The following ICA1L variants were observed in gnomAD, a reference collection of about 807,000 sequenced individuals.
The protein encoded by ICA1L is islet cell autoantigen 1 like, also known as islet cell autoantigen 1-like protein.
In ICA1L, 50 loss-of-function variants were observed where a neutral mutation model predicts 61.3. That is an observed-to-expected ratio of 0.82 (90% confidence interval 0.65 to 1.03). The LOEUF (loss-of-function observed/expected upper bound fraction) is 1.03. ICA1L is among the 50% of genes least tolerant of loss of function. The probability of loss-of-function intolerance (pLI) is 0.00; values close to 1 mark genes in which losing one functional copy is unlikely to be tolerated. For missense variants in ICA1L, 508 were observed against 556.7 expected (o/e 0.91, Z 0.88); for synonymous variants, 161 against 191.3 (o/e 0.84, Z 1.31).
At position 202,811,800 on chromosome 2, in the gene ICA1L, A is replaced by T. The variant is rs1487146770; in HGVS notation, c.867-11T>A. 1 of 1,594,954 alleles carries T rather than the reference A, an allele frequency of 6.3e-7. No individual in the cohort carries two copies. The highest frequency in any genetic ancestry group is 8.6e-7 in the Non-Finnish European group (1 of 1,164,622). ...TCAGACAAAACTAGCCTGAAGTAAA[A>T]ACAAAAAAAAATGTAGATTTTTTGT... On this transcript the variant is annotated splice_polypyrimidine_tract_variant and intron_variant, in intron 8 of 12. Coordinates refer to ENST00000358299, the MANE Select transcript of ICA1L (RefSeq NM_001288622.3).
At chr2:202,836,921 A>C (rs935021579) in intron 1 of ICA1L, among the ~76,000 whole-genome samples, 1 of 152,016 alleles carries the variant, frequency 6.6e-6, no homozygotes, top group Non-Finnish European at 1.5e-5. Context: ...GGCTCACTGC[A>C]ATCTCCACCT....
intron 8 of ICA1L, among the ~76,000 whole-genome samples, chr2:202,813,474 A>G (rs1198773118): frequency 1.3e-5 from 2 of 152,158 alleles, no homozygotes; most frequent in Non-Finnish European, 1.5e-5. Context: ...ATTTATAAAG[A>G]AAAGAGGTTC....
chr2:202,833,040 C>T (rs142355855), intron 1 of ICA1L, among the ~76,000 whole-genome samples: 63 of 151,680 alleles, frequency 4.2e-4, no homozygotes, highest in African/African-American at 1.5e-3. Context: ...ACAAAGAAAA[C>T]ACAAATAGAC....
At chr2:202,836,838 T>TATATATAGATATATAGATATAG (rs1434970172) in intron 1 of ICA1L, among the ~76,000 whole-genome samples, 1 of 150,230 alleles carries the variant, frequency 6.7e-6, no homozygotes, top group African/African-American at 2.4e-5. Flanking sequence ...TAGATACAGA[T>TATATATAGATATATAGATATAG]ATATAGATAT....
At position 202,779,530 on chromosome 2, in the gene ICA1L, C is replaced by G. The variant is rs748735937; in HGVS notation, c.*3G>C. The G allele has an allele frequency of 3.2e-6, 5 of 1,554,500 alleles. No homozygotes were observed. Among genetic ancestry groups the G allele is most frequent in the Middle Eastern group, 1.7e-4 (1 of 5,928 alleles). On this transcript the variant is annotated 3_prime_UTR_variant, in exon 13 of 13. Transcript: ENST00000358299. ...GGCCACTGAAGTGACATTATAACTTCAGTCAAGCATTAAGAAGTTCATCAT... is the reference window on the plus strand; with the variant it reads ...GGCCACTGAAGTGACATTATAACTTGAGTCAAGCATTAAGAAGTTCATCAT...
At chr2:202,804,798 T>TA (rs1693179907) in intron 9 of ICA1L, among the ~76,000 whole-genome samples, 1 of 152,192 alleles carries the variant, frequency 6.6e-6, no homozygotes, top group Non-Finnish European at 1.5e-5. Flanking sequence ...TTCAAATAAT[T>TA]AGTGTCATAA....
intron 1 of ICA1L, among the ~76,000 whole-genome samples, chr2:202,862,900 A>G (rs1474633450): frequency 6.6e-6 from 1 of 152,078 alleles, no homozygotes; most frequent in Non-Finnish European, 1.5e-5. Context: ...GAGGAATTTT[A>G]AAATATTCTA....
chr2:202,812,170 C>T (rs1235636810), intron 8 of ICA1L, among the ~76,000 whole-genome samples: 2 of 152,072 alleles, frequency 1.3e-5, no homozygotes, highest in Admixed American at 6.5e-5. Flanking sequence ...GATGGAGTAC[C>T]CTATTTTGAA....
At chr2:202,819,926 G>T (rs1489556877) in intron 4 of ICA1L, 27 bp from the exon 5 acceptor site, 27 of 1,546,926 alleles carry the variant, frequency 1.7e-5, no homozygotes, top group Non-Finnish European at 1.8e-5. Flanking sequence ...AAAAATCAGA[G>T]GGTTGAACAC....
intron 8 of ICA1L, among the ~76,000 whole-genome samples, chr2:202,812,058 C>T (rs1410742576): frequency 1.3e-5 from 2 of 152,098 alleles, no homozygotes; most frequent in Non-Finnish European, 2.9e-5. Flanking sequence ...CTTCAAGAAC[C>T]TTCACCATCA....
At chr2:202,820,059 T>C (rs1693655549) in intron 4 of ICA1L, 160 bp from the exon 5 acceptor site, 1 of 616,870 alleles carries the variant, frequency 1.6e-6, no homozygotes, top group African/African-American at 1.8e-5. Context: ...AAGGATCATA[T>C]AGCCAACTCT....
At chr2:202,779,811 T>G (rs377611376) in intron 12 of ICA1L, among the ~76,000 whole-genome samples, 163 bp from the exon 13 acceptor site, 5 of 145,890 alleles carry the variant, frequency 3.4e-5, no homozygotes, top group African/African-American at 1.2e-4. Flanking sequence ...TTTTTTTTTT[T>G]TTTTTTGTTT....
At chr2:202,824,715 G>A (rs1339167011) in intron 3 of ICA1L, among the ~76,000 whole-genome samples, 1 of 152,172 alleles carries the variant, frequency 6.6e-6, no homozygotes, top group African/African-American at 2.4e-5. Context: ...TTTAGGAGGT[G>A]TGATTAGAGA....
chr2:202,866,475 C>G (rs1181830715), intron 1 of ICA1L, among the ~76,000 whole-genome samples: 1 of 152,136 alleles, frequency 6.6e-6, no homozygotes, highest in Non-Finnish European at 1.5e-5. Flanking sequence ...TTTATAGTAA[C>G]ACAAAATGGA....
intron 11 of ICA1L, chr2:202,786,752 A>AT (rs57934594): frequency 0.39 from 164,781 of 417,672 alleles, 16,537 homozygotes; most frequent in Middle Eastern, 0.48. Context: ...TACATGCATG[A>AT]TTTTTTTTTT....
At chr2:202,794,633 G>T (rs1304839989) in intron 10 of ICA1L, among the ~76,000 whole-genome samples, 6 of 151,934 alleles carry the variant, frequency 3.9e-5, no homozygotes, top group East Asian at 3.9e-4. Flanking sequence ...AATAATAAAA[G>T]AATTCAGCTA....
intron 1 of ICA1L, among the ~76,000 whole-genome samples, chr2:202,867,189 CTGAG>C (rs937761440): frequency 7.9e-5 from 12 of 152,062 alleles, no homozygotes; most frequent in Non-Finnish European, 1.5e-4. Flanking sequence ...ATAATTACAA[CTGAG>C]TAATAAGAAA....
intron 10 of ICA1L, among the ~76,000 whole-genome samples, chr2:202,793,497 A>T (rs1267901930): frequency 5.5e-4 from 36 of 65,240 alleles, no homozygotes; most frequent in Non-Finnish European, 9.7e-4. Flanking sequence ...TCTCTACTAA[A>T]AAAAAAAAAA....
intron 12 of ICA1L, among the ~76,000 whole-genome samples, chr2:202,782,501 A>AG (rs1159036260): frequency 6.6e-6 from 1 of 150,914 alleles, no homozygotes; most frequent in Admixed American, 6.6e-5. Context: ...TCTACCTCCC[A>AG]GGTTCAAGTG....
Sources: allele counts gnomAD v4.1 joint callset (sites outside exome capture counted in the v4.1 genomes callset), GRCh38; gene constraint gnomAD v4.1.1; transcripts MANE v1.5; gene names NCBI Gene and HGNC (gene_info 2026-07-23, HGNC 2026-07-21).